CTNNA3: variants seen among roughly 807,000 people sequenced by gnomAD.
The protein encoded by CTNNA3 is catenin alpha-3.
A neutral mutation model predicts 95.7 loss-of-function variants in CTNNA3; 76 were observed. That is an observed-to-expected ratio of 0.79 (90% confidence interval 0.66 to 0.96). CTNNA3 has a LOEUF of 0.96. CTNNA3 is among the 40% of genes least tolerant of loss of function. CTNNA3 has a pLI of 0.00. For missense variants in CTNNA3, 1,191 were observed against 1,089.8 expected (o/e 1.09, Z -1.31); for synonymous variants, 431 against 374.4 (o/e 1.15, Z -1.74).
intron 1 of CTNNA3, among the ~76,000 whole-genome samples, chr10:67,691,993 G>A (rs1249635166): frequency 2.0e-5 from 3 of 147,144 alleles, no homozygotes; most frequent in South Asian, 2.2e-4. Context: ...AGTGAGGGGC[G>A]CCTCTGCCCG....
At chr10:67,586,525 C>A (rs536880654) in intron 3 of CTNNA3, among the ~76,000 whole-genome samples, 1 of 152,156 alleles carries the variant, frequency 6.6e-6, no homozygotes, top group South Asian at 2.1e-4. Flanking sequence ...TTGTTCTATT[C>A]TCTTCCTGAA....
At chr10:66,230,245 G>A (rs2089521014) in intron 13 of CTNNA3, among the ~76,000 whole-genome samples, 3 of 151,994 alleles carry the variant, frequency 2.0e-5, no homozygotes, top group Admixed American at 1.3e-4. Context: ...CTTTGAAAAT[G>A]CCATGTTTCT....
intron 10 of CTNNA3, among the ~76,000 whole-genome samples, chr10:66,537,624 T>C (rs1309456908): frequency 2.0e-5 from 3 of 150,380 alleles, no homozygotes; most frequent in Non-Finnish European, 3.0e-5. Flanking sequence ...TTTATATTGT[T>C]ATAAATAAAT....
At chr10:66,673,185 T>C (rs184355950) in intron 9 of CTNNA3, among the ~76,000 whole-genome samples, 1 of 152,222 alleles carries the variant, frequency 6.6e-6, no homozygotes, top group African/African-American at 2.4e-5. Flanking sequence ...ATGAAAAATA[T>C]TTGAAAACAG....
chr10:66,548,588 G>A (rs1318546274), intron 10 of CTNNA3, among the ~76,000 whole-genome samples: 5 of 152,016 alleles, frequency 3.3e-5, no homozygotes, highest in Admixed American at 3.3e-4. Flanking sequence ...TATCAGCTGT[G>A]AACATTTTCC....
chr10:67,301,934 A>T (rs1840299141), intron 5 of CTNNA3, among the ~76,000 whole-genome samples: 1 of 150,250 alleles, frequency 6.7e-6, no homozygotes, highest in Non-Finnish European at 1.5e-5. Flanking sequence ...GCGCCACTGC[A>T]CCCCAGCCTG....
At chr10:67,227,662 C>A (rs762878974) in intron 5 of CTNNA3, among the ~76,000 whole-genome samples, 2 of 152,116 alleles carry the variant, frequency 1.3e-5, no homozygotes, top group East Asian at 1.9e-4. Context: ...AACAAAGGAA[C>A]AATTGATTTA....
At chr10:67,387,604 G>A (rs1284307288) in intron 5 of CTNNA3, among the ~76,000 whole-genome samples, 1 of 152,168 alleles carries the variant, frequency 6.6e-6, no homozygotes, top group Non-Finnish European at 1.5e-5. Context: ...ACCTCTGGGG[G>A]CAGGGCACAG....
intron 15 of CTNNA3, among the ~76,000 whole-genome samples, chr10:66,022,979 AC>A (rs1160033671): frequency 6.6e-6 from 1 of 152,096 alleles, no homozygotes; most frequent in Non-Finnish European, 1.5e-5. Context: ...TTCCCATATC[AC>A]TTGGAGTAGA....
chr10:67,383,106 T>G (rs1844009855), intron 5 of CTNNA3, among the ~76,000 whole-genome samples: 1 of 152,194 alleles, frequency 6.6e-6, no homozygotes, highest in South Asian at 2.1e-4. Flanking sequence ...TGGAACTGTA[T>G]TCATTGCTTA....
chr10:66,598,995 T>C (rs902062473), intron 10 of CTNNA3, among the ~76,000 whole-genome samples: 16 of 151,800 alleles, frequency 1.1e-4, no homozygotes, highest in Admixed American at 7.9e-4. Flanking sequence ...TTTGAAATTA[T>C]ATCACAAAGG....
At chr10:65,937,564 A>G (rs1337447094) in intron 17 of CTNNA3, among the ~76,000 whole-genome samples, 1 of 152,098 alleles carries the variant, frequency 6.6e-6, no homozygotes, top group African/African-American at 2.4e-5. Context: ...GATGGTGATG[A>G]TATCCCCAAC....
rs141098613 is a variant in CTNNA3, at chr10:66,520,657, T to C, written c.1491A>G (p.Val497=). 1.8e-5 allele frequency: 29 copies of C among 1,610,552 alleles called. No individual in the cohort carries two copies. In the African/African-American group the frequency reaches 2.4e-4, roughly 13 times the overall value. Residue 497 remains valine (V), a synonymous_variant, in exon 11 of 18, where the codon GTA becomes GTG. Transcript: ENST00000433211. The part of the protein sequence containing the change: ...ENHIHVLTEA[V]DDITSIDDFL... Reference sequence around the variant, plus strand: ...AGTCATCAATGCTTGTAATGTCATCTACGGCTTCAGTGAGGACATGTATAT... The same window carrying C: ...AGTCATCAATGCTTGTAATGTCATCCACGGCTTCAGTGAGGACATGTATAT...
intron 15 of CTNNA3, among the ~76,000 whole-genome samples, chr10:66,060,709 T>C (rs2080177379): frequency 6.6e-6 from 1 of 152,074 alleles, no homozygotes; most frequent in Non-Finnish European, 1.5e-5. Context: ...CACCACTGAA[T>C]ATCTACCCCC....
intron 9 of CTNNA3, among the ~76,000 whole-genome samples, chr10:66,705,941 A>C (rs1293659747): frequency 6.6e-6 from 1 of 152,096 alleles, no homozygotes; most frequent in Non-Finnish European, 1.5e-5. Flanking sequence ...AAGTATTTTC[A>C]AGCCAGTCAT....
chr10:66,196,013 C>T (rs941797406), intron 13 of CTNNA3, among the ~76,000 whole-genome samples: 1 of 151,952 alleles, frequency 6.6e-6, no homozygotes, highest in Admixed American at 6.6e-5. Context: ...ATATTCATAT[C>T]AGAAGAATTC....
At chr10:66,994,477 C>A (rs1004787009) in intron 7 of CTNNA3, among the ~76,000 whole-genome samples, 3 of 152,148 alleles carry the variant, frequency 2.0e-5, no homozygotes, top group Non-Finnish European at 2.9e-5. Context: ...CAAATATCTG[C>A]AATTCCTAGT....
chr10:66,349,814 C>A (rs1389825267), intron 12 of CTNNA3, among the ~76,000 whole-genome samples: 1 of 151,922 alleles, frequency 6.6e-6, no homozygotes, highest in African/African-American at 2.4e-5. Context: ...GCAACTTTAC[C>A]ATTAAATGGC....
At chr10:66,193,507 T>C (rs1428403755) in intron 13 of CTNNA3, among the ~76,000 whole-genome samples, 1 of 152,170 alleles carries the variant, frequency 6.6e-6, no homozygotes, top group Non-Finnish European at 1.5e-5. Context: ...GAAGAAGCCA[T>C]ATATAATCAG....
Sources: allele counts gnomAD v4.1 joint callset (sites outside exome capture counted in the v4.1 genomes callset), GRCh38; gene constraint gnomAD v4.1.1; transcripts MANE v1.5; gene names NCBI Gene and HGNC (gene_info 2026-07-23, HGNC 2026-07-21).